The following SH3PXD2B variants were observed in gnomAD, a reference collection of about 807,000 sequenced individuals.
SH3PXD2B encodes SH3 and PX domains 2B.
In SH3PXD2B, 37 loss-of-function variants were observed where a neutral mutation model predicts 73.1. The observed-to-expected ratio is 0.51, with a 90% CI of 0.39 to 0.67. SH3PXD2B has a LOEUF of 0.67. SH3PXD2B is among the 30% of genes least tolerant of loss of function. The pLI is 0.00. For missense variants in SH3PXD2B, 1,053 were observed against 1,197.8 expected (o/e 0.88, Z 1.78); for synonymous variants, 457 against 480.5 (o/e 0.95, Z 0.64).
intron 6 of SH3PXD2B, among the ~76,000 whole-genome samples, chr5:172,369,206 T>G (rs1209711420): frequency 2.0e-5 from 3 of 150,354 alleles, no homozygotes; most frequent in Non-Finnish European, 4.4e-5. Flanking sequence ...AATGTTTTTA[T>G]GTATTTTTTT....
At chr5:172,333,043 C>A (rs1756593085), downstream of SH3PXD2B, among the ~76,000 whole-genome samples, 1 of 151,694 alleles carries the variant, frequency 6.6e-6, no homozygotes, top group African/African-American at 2.4e-5. Context: ...TCAAACAATT[C>A]TCCTGCCTCA....
chr5:172,337,447 G>T lies in SH3PXD2B; in HGVS notation c.*922C>A. On this transcript the variant is annotated 3_prime_UTR_variant, in exon 13 of 13. Transcript: ENST00000311601. ...TCATCTATAAAGGGAGGTTGTGAGG[G>T]TCAAAGCATGAATGCAAAGCGCCAA... The T allele has an allele frequency of 1.0e-6, 1 of 982,708 alleles. No homozygotes were observed. The highest frequency in any genetic ancestry group is 1.2e-6 in the Non-Finnish European group (1 of 827,442). 60.9% of individuals were successfully genotyped at this position (982,708 alleles called of 1,614,324 possible).
At chr5:172,423,635 C>T (rs1437415892) in intron 1 of SH3PXD2B, among the ~76,000 whole-genome samples, 1 of 151,726 alleles carries the variant, frequency 6.6e-6, no homozygotes, top group Non-Finnish European at 1.5e-5. Flanking sequence ...CAGTAGGAGT[C>T]TGTCCTGGGA....
intron 5 of SH3PXD2B, among the ~76,000 whole-genome samples, chr5:172,379,906 G>T (rs552637587): frequency 6.6e-6 from 1 of 152,266 alleles, no homozygotes; most frequent in South Asian, 2.1e-4. Flanking sequence ...TCTTGTGTGG[G>T]ACTGAGCTTA....
downstream of SH3PXD2B, among the ~76,000 whole-genome samples, chr5:172,331,000 GC>G (rs890776503): frequency 3.7e-4 from 57 of 152,306 alleles, no homozygotes; most frequent in African/African-American, 1.3e-3. Context: ...TTCATGACCA[GC>G]CTGGCCAACA....
At chr5:172,342,644 C>T (rs1561892988) in intron 12 of SH3PXD2B, among the ~76,000 whole-genome samples, 1 of 152,164 alleles carries the variant, frequency 6.6e-6, no homozygotes. Context: ...GCCTGTAATC[C>T]CAGCTACGCG....
chr5:172,404,984 C>G (rs528689648), intron 3 of SH3PXD2B, among the ~76,000 whole-genome samples: 1 of 152,202 alleles, frequency 6.6e-6, no homozygotes, highest in African/African-American at 2.4e-5. Context: ...ATGCCTATGC[C>G]GCAGGGCTGC....
At chr5:172,431,407 G>A (rs1032671841) in intron 1 of SH3PXD2B, among the ~76,000 whole-genome samples, 3 of 152,232 alleles carry the variant, frequency 2.0e-5, no homozygotes. Context: ...GCCTGGCTTG[G>A]CTTCGGGTAG....
intron 12 of SH3PXD2B, among the ~76,000 whole-genome samples, chr5:172,344,961 AG>A (rs1756957002): frequency 6.7e-6 from 1 of 149,718 alleles, no homozygotes; most frequent in African/African-American, 2.5e-5. Context: ...GAGGAAAGGA[AG>A]GAAGGAGGGA....
chr5:172,409,957 C>G (rs989372977), intron 2 of SH3PXD2B, among the ~76,000 whole-genome samples: 2 of 152,188 alleles, frequency 1.3e-5, no homozygotes, highest in African/African-American at 4.8e-5. Context: ...CTCAGGTGAT[C>G]CACCTGCCCC....
chr5:172,352,382 G>C (rs1015570054), intron 9 of SH3PXD2B, among the ~76,000 whole-genome samples: 1 of 151,896 alleles, frequency 6.6e-6, no homozygotes. Context: ...GCATCACCAT[G>C]CCTGGCTAAT....
intron 4 of SH3PXD2B, among the ~76,000 whole-genome samples, chr5:172,382,592 T>C (rs1226330917): frequency 6.7e-6 from 1 of 150,006 alleles, no homozygotes; most frequent in African/African-American, 2.4e-5. Context: ...ATGTATGATA[T>C]ACACGCATAT....
At chr5:172,434,794 T>TG (rs1561581316) in intron 1 of SH3PXD2B, among the ~76,000 whole-genome samples, 2 of 150,382 alleles carry the variant, frequency 1.3e-5, no homozygotes, top group African/African-American at 2.5e-5. Context: ...TTTTTTTTTT[T>TG]TTTTTTTCAG....
chr5:172,335,964 A>C lies in SH3PXD2B; in HGVS notation c.*2405T>G. The C allele has an allele frequency of 3.7e-6, 4 of 1,075,512 alleles. No individual in the cohort carries two copies. Among genetic ancestry groups the C allele is most frequent in the Non-Finnish European group, 4.5e-6 (4 of 889,342 alleles). 66.6% of individuals were successfully genotyped at this position (1,075,512 alleles called of 1,614,324 possible). ...GAGAATGGCAGATTCTTTCATTTGC[A>C]GGAAAACTTTCTGCCTAGAGGAAGG... On this transcript the variant is annotated 3_prime_UTR_variant, in exon 13 of 13. Transcript: ENST00000311601.
downstream of SH3PXD2B, among the ~76,000 whole-genome samples, chr5:172,329,059 GTATATA>G (rs1211712213): frequency 2.0e-4 from 19 of 96,876 alleles, no homozygotes; most frequent in Admixed American, 4.9e-4. Flanking sequence ...GTGTGTGTGT[GTATATA>G]TATATATATA....
chr5:172,434,185 A>T (rs1170372483), intron 1 of SH3PXD2B, among the ~76,000 whole-genome samples: 1 of 152,232 alleles, frequency 6.6e-6, no homozygotes, highest in Non-Finnish European at 1.5e-5. Context: ...AAATGCCCTG[A>T]CTTGATCATT....
At chr5:172,349,424 CCGA>C (rs1355997628) in intron 10 of SH3PXD2B, among the ~76,000 whole-genome samples, 3 of 152,114 alleles carry the variant, frequency 2.0e-5, no homozygotes, top group Non-Finnish European at 4.4e-5. Flanking sequence ...TGTGACCAGG[CCGA>C]CAACAGTAAT....
chr5:172,423,604 T>G (rs1759027323), intron 1 of SH3PXD2B, among the ~76,000 whole-genome samples: 2 of 151,180 alleles, frequency 1.3e-5, no homozygotes, highest in African/African-American at 4.8e-5. Flanking sequence ...AACATGTGAC[T>G]TGAGCTGGGC....
chr5:172,340,341 T>C (rs778452980), intron 12 of SH3PXD2B, among the ~76,000 whole-genome samples: 4 of 152,198 alleles, frequency 2.6e-5, no homozygotes, highest in Non-Finnish European at 4.4e-5. Context: ...CCTCTGGGGA[T>C]GCGTGCATTT....
Sources: allele counts gnomAD v4.1 joint callset (sites outside exome capture counted in the v4.1 genomes callset), GRCh38; gene constraint gnomAD v4.1.1; transcripts MANE v1.5; gene names NCBI Gene and HGNC (gene_info 2026-07-23, HGNC 2026-07-21).